The following TMEM68 variants were observed in gnomAD, a reference collection of about 807,000 sequenced individuals.
TMEM68 encodes DGAT1/2-independent enzyme synthesizing storage lipids.
TMEM68 carries 25 observed loss-of-function variants against 36.9 expected under a neutral mutation model. The observed-to-expected ratio is 0.68, with a 90% CI of 0.49 to 0.95. The LOEUF is 0.95. TMEM68 is among the 40% of genes least tolerant of loss of function. The pLI is 0.00. For missense variants in TMEM68, 333 were observed against 392.0 expected, an observed-to-expected ratio of 0.85 and a Z score of 1.27; for synonymous variants, 131 against 124.4, an observed-to-expected ratio of 1.05 and a Z score of -0.35.
intron 4 of TMEM68, among the ~76,000 whole-genome samples, chr8:55,754,822 TAA>T (rs1360107324): frequency 7.5e-6 from 1 of 133,160 alleles, no homozygotes; most frequent in East Asian, 2.0e-4. Context: ...ATATTATATA[TAA>T]AATACATATA....
intron 1 of TMEM68, among the ~76,000 whole-genome samples, chr8:55,764,667 C>A (rs1810909824): frequency 6.6e-6 from 1 of 152,192 alleles, no homozygotes; most frequent in Non-Finnish European, 1.5e-5. Context: ...TAACCAATAG[C>A]ATTTACTTGT....
intron 3 of TMEM68, 49 bp downstream of exon 3, chr8:55,762,586 A>G (rs1309004683): frequency 6.2e-7 from 1 of 1,612,480 alleles, no homozygotes; most frequent in East Asian, 2.2e-5. Context: ...CACAGTTCCA[A>G]TGCAGCACAC....
chr8:55,771,196 T>A (rs1195900225), intron 1 of TMEM68, among the ~76,000 whole-genome samples: 1 of 152,064 alleles, frequency 6.6e-6, no homozygotes, highest in Non-Finnish European at 1.5e-5. Context: ...ATCACCATAT[T>A]GACATTGATG....
intron 3 of TMEM68, among the ~76,000 whole-genome samples, chr8:55,760,558 T>G (rs151099695): frequency 1.3e-5 from 2 of 152,328 alleles, no homozygotes; most frequent in African/African-American, 4.8e-5. Context: ...AAGTCCAGAA[T>G]ATGGAAATCT....
chr8:55,767,934 C>T (rs1811024695), intron 1 of TMEM68, among the ~76,000 whole-genome samples: 1 of 151,080 alleles, frequency 6.6e-6, no homozygotes, highest in South Asian at 2.1e-4. Flanking sequence ...GAAACTCAGT[C>T]TCAAAAAAAA....
At chr8:55,769,557 C>T (rs980132496) in intron 1 of TMEM68, among the ~76,000 whole-genome samples, 10 of 151,866 alleles carry the variant, frequency 6.6e-5, no homozygotes, top group African/African-American at 1.9e-4. Context: ...AGAAAACATA[C>T]GAAAAACACT....
chr8:55,746,302 C>T (rs1317796065), intron 5 of TMEM68: 6 of 101,572 alleles, frequency 5.9e-5, no homozygotes, highest in Admixed American at 5.0e-4. Flanking sequence ...GGCAATAGAG[C>T]GAGACACTGT....
chr8:55,772,539 T>C (rs1185420676), intron 1 of TMEM68, among the ~76,000 whole-genome samples: 1 of 152,202 alleles, frequency 6.6e-6, no homozygotes, highest in African/African-American at 2.4e-5. Flanking sequence ...AGACCTGTTT[T>C]ACAGGCTGCA....
chr8:55,768,042 G>C (rs908784890), intron 1 of TMEM68, among the ~76,000 whole-genome samples: 1 of 152,106 alleles, frequency 6.6e-6, no homozygotes, highest in Non-Finnish European at 1.5e-5. Context: ...CAGTATCCTG[G>C]AAGTAAGAGC....
intron 3 of TMEM68, chr8:55,762,127 G>GA (rs1354479519): frequency 6.6e-6 from 1 of 152,488 alleles, no homozygotes; most frequent in Non-Finnish European, 1.5e-5. Flanking sequence ...GACTATCCTG[G>GA]AGAGAAATCT....
At chr8:55,767,458 T>C (rs1452651390) in intron 1 of TMEM68, among the ~76,000 whole-genome samples, 4 of 152,178 alleles carry the variant, frequency 2.6e-5, no homozygotes, top group Admixed American at 2.6e-4. Flanking sequence ...TTAAGATGTC[T>C]ATTGGACATC....
rs73601059 is a variant in TMEM68, at chr8:55,755,035, G to A, written c.493+1209C>T. Among the ~76,000 whole-genome samples, 1,131 of 147,792 alleles carry A rather than the reference G, an allele frequency of 7.7e-3. 14 individuals carry two copies. The highest frequency in any genetic ancestry group is 0.026 in the African/African-American group (1,059 of 40,174). ...TCTTCACGGCTGGGTGCAGTGGCTC[G>A]CACTTGTAATCCCAAAACTTTTGAA... On this transcript the variant is annotated intron_variant, in intron 4 of 7. Coordinates refer to ENST00000434581, the MANE Select transcript of TMEM68 (RefSeq NM_001286657.2).
At chr8:55,740,494 A>T (rs748841669) in intron 7 of TMEM68, among the ~76,000 whole-genome samples, 11 of 151,322 alleles carry the variant, frequency 7.3e-5, no homozygotes, top group Non-Finnish European at 1.2e-4. Flanking sequence ...TTATTTTATT[A>T]AGCCTTCAAT....
chr8:55,746,508 T>C (rs1810282858), intron 5 of TMEM68: 1 of 151,840 alleles, frequency 6.6e-6, no homozygotes, highest in Non-Finnish European at 1.5e-5. Context: ...AATACTAAAA[T>C]AGATAAAAAA....
Position 55,740,086 on chromosome 8 carries a change from A to T in TMEM68, c.*46T>A. The T allele has an allele frequency of 6.7e-7, 1 of 1,501,052 alleles. No homozygotes were observed. Among genetic ancestry groups the T allele is most frequent in the South Asian group, 1.2e-5 (1 of 85,592 alleles). The allele number at this position is 1,501,052 out of a possible 1,614,324, so 93.0% of individuals were successfully genotyped here. On this transcript the variant is annotated 3_prime_UTR_variant, in exon 8 of 8. Coordinates refer to ENST00000434581, the MANE Select transcript of TMEM68 (RefSeq NM_001286657.2). ...AGAAGACAGTACCTTAGATACAAAC[A>T]TTTAATATAAATGTACTAAATCATC...
At chr8:55,764,238 TTTTCAAAAG>T (rs1554555118) in intron 1 of TMEM68, among the ~76,000 whole-genome samples, 1 of 152,204 alleles carries the variant, frequency 6.6e-6, no homozygotes, top group Non-Finnish European at 1.5e-5. Flanking sequence ...TTAAACAAAG[TTTTCAAAAG>T]CTTTGTTTCT....
chr8:55,772,219 G>C (rs1252379016), intron 1 of TMEM68, among the ~76,000 whole-genome samples: 1 of 152,188 alleles, frequency 6.6e-6, no homozygotes, highest in Non-Finnish European at 1.5e-5. Flanking sequence ...CCACTAACTA[G>C]TAAATGTGGC....
rs192643203 is a variant in TMEM68 at position 55,759,489 on chromosome 8, C to G, written c.326-3078G>C. Among the ~76,000 whole-genome samples the G allele has an allele frequency of 1.6e-3, 236 of 151,902 alleles. 1 individual carries two copies. Among genetic ancestry groups the G allele is most frequent in the African/African-American group, 5.2e-3 (217 of 41,456 alleles). ...GGGCGGCTCAGGCAGGAGAATCGCT[C>G]GAACTTGGGAGGCGGAGGTTGCAGT... On this transcript the variant is annotated intron_variant, in intron 3 of 7. Coordinates refer to ENST00000434581, the MANE Select transcript of TMEM68 (RefSeq NM_001286657.2).
intron 7 of TMEM68, among the ~76,000 whole-genome samples, chr8:55,743,074 T>C (rs528994336): frequency 6.6e-5 from 10 of 152,304 alleles, no homozygotes; most frequent in Middle Eastern, 3.4e-3. Flanking sequence ...TCAGCACTTT[T>C]CTTTCTTTCT....
Sources: allele counts gnomAD v4.1 joint callset (sites outside exome capture counted in the v4.1 genomes callset), GRCh38; gene constraint gnomAD v4.1.1; transcripts MANE v1.5; gene names NCBI Gene and HGNC (gene_info 2026-07-23, HGNC 2026-07-21).